The following SPNS3 variants were observed in gnomAD, a reference collection of about 807,000 sequenced individuals.
SPNS3 encodes the protein SPNS lysolipid transporter 3, sphingosine-1-phosphate (putative), also known as protein spinster homolog 3.
In SPNS3, 51 loss-of-function variants were observed where a neutral mutation model predicts 54.4. That is an observed-to-expected ratio of 0.94 (90% CI 0.75 to 1.18). SPNS3 has a LOEUF of 1.18. SPNS3 is among the 50% of genes most tolerant of loss of function. SPNS3 has a pLI of 0.00. For missense variants in SPNS3, 669 were observed against 677.4 expected (o/e 0.99, Z 0.14); for synonymous variants, 309 against 294.7 (o/e 1.05, Z -0.50).
At chr17:4,468,749 CTT>C (rs1555531889) in intron 8 of SPNS3, among the ~76,000 whole-genome samples, 5 of 140,952 alleles carry the variant, frequency 3.5e-5, no homozygotes, top group African/African-American at 1.4e-4. Context: ...TTCTTTCTTT[CTT>C]TCTTTCTTTC....
intron 7 of SPNS3, among the ~76,000 whole-genome samples, chr17:4,450,766 T>TA (rs1160762235): frequency 6.7e-6 from 1 of 149,682 alleles, no homozygotes. Context: ...CCAGCTATTT[T>TA]TTTTTTTTTT....
intron 5 of SPNS3, among the ~76,000 whole-genome samples, chr17:4,447,520 G>T (rs973345366): frequency 6.6e-6 from 1 of 152,250 alleles, no homozygotes; most frequent in Non-Finnish European, 1.5e-5. Context: ...AGCTTGGTGG[G>T]AATGCAGGCT....
chr17:4,434,153 G>T lies in SPNS3; in HGVS notation c.186G>T (p.Trp62Cys), dbSNP rs1183721242. The change falls in exon 1 of 12, where the codon TGG becomes TGT. Residue 62 changes from tryptophan (W) to cysteine (C), a missense_variant. Coordinates refer to ENST00000355530, the MANE Select transcript of SPNS3 (RefSeq NM_182538.5). ...CYINLLNYMN[W>C]FIIAGVLLDI... is the part of the protein sequence containing the mutation. ...TCAACCTCCTGAATTACATGAACTGGTTCATCATTGCAGGTGAGGAGGGGA... is the reference window on the plus strand; with the variant it reads ...TCAACCTCCTGAATTACATGAACTGTTTCATCATTGCAGGTGAGGAGGGGA... 6.2e-7 allele frequency: 1 copy of T among 1,610,686 alleles called. No homozygotes were observed. Among genetic ancestry groups the T allele is most frequent in the Non-Finnish European group, 8.5e-7 (1 of 1,178,400 alleles).
At chr17:4,478,892 C>T (rs1168655641) in intron 9 of SPNS3, among the ~76,000 whole-genome samples, 2 of 152,304 alleles carry the variant, frequency 1.3e-5, no homozygotes, top group East Asian at 1.9e-4. Context: ...AGCCCCAACG[C>T]AGGGAGCCAG....
chr17:4,440,218 A>G (rs977443258), intron 2 of SPNS3, among the ~76,000 whole-genome samples: 3 of 152,188 alleles, frequency 2.0e-5, no homozygotes, highest in African/African-American at 4.8e-5. Context: ...GGGAGCAGCC[A>G]CACGTCCCAT....
intron 8 of SPNS3, among the ~76,000 whole-genome samples, chr17:4,458,448 T>G (rs909102778): frequency 0.06 from 4,195 of 70,022 alleles, 83 homozygotes; most frequent in South Asian, 0.12. Flanking sequence ...CCTCCCTCCC[T>G]TCTTTCTTCT....
Position 4,472,774 on chromosome 17 carries a change from C to CTTTTT in SPNS3, c.1114-5769_1114-5765dup, listed in dbSNP as rs375118697. Among the ~76,000 whole-genome samples the CTTTTT allele has an allele frequency of 9.4e-4, 48 of 50,964 alleles. 2 individuals carry two copies. Among genetic ancestry groups the CTTTTT allele is most frequent in the Admixed American group, 1.9e-3 (6 of 3,118 alleles). The allele number at this position is 50,964 out of a possible 152,430, so 33.4% of individuals were successfully genotyped here. On this transcript the variant is annotated intron_variant, in intron 8 of 11. Transcript: ENST00000355530. ...ATTGTCTGCTCTTTTGCTTGGCAGC[C>CTTTTT]TTTTTTTTTTTTTTTTTTTTTTTTT...
intron 4 of SPNS3, 83 bp from the exon 5 acceptor site, chr17:4,446,813 G>A (rs1044037103): frequency 9.0e-6 from 12 of 1,337,468 alleles, no homozygotes; most frequent in Admixed American, 3.4e-5. Context: ...GCGTGGGGGG[G>A]GCACCCTGGG....
chr17:4,434,233 C>T (rs1970657888), intron 1 of SPNS3, 67 bp downstream of exon 1: 4 of 1,440,984 alleles, frequency 2.8e-6, no homozygotes, highest in Non-Finnish European at 3.8e-6. Flanking sequence ...GCTGCAGATC[C>T]ATGGTGGCCT....
At chr17:4,448,841 CAG>C (rs1417827506) in intron 6 of SPNS3, among the ~76,000 whole-genome samples, 3 of 152,158 alleles carry the variant, frequency 2.0e-5, no homozygotes, top group Non-Finnish European at 4.4e-5. Context: ...CGGGAGGACT[CAG>C]AGGAAGACAG....
At chr17:4,466,454 C>T (rs1000564955) in intron 8 of SPNS3, among the ~76,000 whole-genome samples, 3 of 148,516 alleles carry the variant, frequency 2.0e-5, no homozygotes, top group African/African-American at 5.0e-5. Context: ...GCAGGAGAAT[C>T]GCTTGAGCCC....
chr17:4,437,567 C>T (rs1415117654), intron 1 of SPNS3, among the ~76,000 whole-genome samples: 4 of 151,458 alleles, frequency 2.6e-5, no homozygotes, highest in Admixed American at 6.6e-5. Flanking sequence ...CTTGGGAGGC[C>T]GAGGCAGGAA....
At chr17:4,474,005 C>A (rs1236834917) in intron 8 of SPNS3, among the ~76,000 whole-genome samples, 1 of 152,182 alleles carries the variant, frequency 6.6e-6, no homozygotes. Flanking sequence ...CTGGACAAAC[C>A]AGGCCCCACC....
At chr17:4,446,842 C>T (rs1971003610) in intron 4 of SPNS3, 54 bp from the exon 5 acceptor site, 1 of 1,559,140 alleles carries the variant, frequency 6.4e-7, no homozygotes, top group Non-Finnish European at 8.8e-7. Context: ...GTGGTGGGGT[C>T]TGCCTTCCGC....
At chr17:4,444,926 T>C (rs1464020069) in intron 2 of SPNS3, 106 bp from the exon 3 acceptor site, 3 of 1,374,240 alleles carry the variant, frequency 2.2e-6, no homozygotes, top group Non-Finnish European at 2.0e-6. Context: ...ACTGCCAAGA[T>C]GCCAGCTTGT....
rs751172802 is a variant in SPNS3, at chr17:4,486,537, G to A, written c.1404G>A (p.Ala468=). ...ALGGGCFLLT[A]LYLERDETRA... is the part of the protein sequence containing the mutation. ...GGGGCGGCTGCTTCCTGCTGACTGC[G>A]CTGTACCTGGAGAGAGACGAGACCC... The change falls in exon 11 of 12, where the codon GCG becomes GCA. Residue 468 remains alanine (A), a synonymous_variant. Transcript: ENST00000355530. This position sits in a 1 kb window ranked among gnomAD's most constrained non-coding sequence, Gnocchi z 5.5. 30 of 1,613,378 alleles carry A rather than the reference G, an allele frequency of 1.9e-5. No homozygotes were observed. Among genetic ancestry groups the A allele is most frequent in the Non-Finnish European group, 2.2e-5 (26 of 1,179,926 alleles).
intron 8 of SPNS3, among the ~76,000 whole-genome samples, chr17:4,456,163 C>A (rs1489225448): frequency 3.3e-5 from 5 of 151,982 alleles, no homozygotes; most frequent in Non-Finnish European, 7.4e-5. Context: ...TGTTGCCCAG[C>A]CTGGTCTCGA....
intron 9 of SPNS3, among the ~76,000 whole-genome samples, chr17:4,478,881 C>A (rs1197746455): frequency 6.6e-6 from 1 of 152,186 alleles, no homozygotes; most frequent in African/African-American, 2.4e-5. Flanking sequence ...CAAAGTCACA[C>A]AGCCCCAACG....
chr17:4,451,409 G>A (rs992451307), intron 7 of SPNS3, among the ~76,000 whole-genome samples: 4 of 151,582 alleles, frequency 2.6e-5, no homozygotes, highest in South Asian at 2.1e-4. Context: ...ACACCACCAC[G>A]CCCAGCTAAT....
Sources: allele counts gnomAD v4.1 joint callset (sites outside exome capture counted in the v4.1 genomes callset), GRCh38; gene constraint gnomAD v4.1.1; non-coding constraint Gnocchi (gnomAD v3.1); transcripts MANE v1.5; gene names NCBI Gene and HGNC (gene_info 2026-07-23, HGNC 2026-07-21).